Variants in AMMECR1 observed in about 807,000 individuals in gnomAD.
AMMECR1 encodes nuclear protein AMMECR1.
A neutral mutation model predicts 22.5 loss-of-function variants in AMMECR1; 3 were observed. The observed-to-expected ratio is 0.13, with a 90% CI of 0.06 to 0.35. The LOEUF (loss-of-function observed/expected upper bound fraction) is 0.35, where lower values mean the gene tolerates loss of function less well. Among genes scored for constraint, AMMECR1 ranks in the 10% least tolerant of loss-of-function variants. AMMECR1 has a pLI of 1.00. For synonymous variants in AMMECR1, 130 were observed against 116.7 expected (o/e 1.11, Z -0.74); for missense variants, 235 against 278.7 (o/e 0.84, Z 1.12).
At chrX:110,246,880 G>A (rs2067660858) in intron 2 of AMMECR1, among the ~76,000 whole-genome samples, 1 of 111,999 alleles carries the variant, frequency 8.9e-6, no homozygotes, top group Non-Finnish European at 1.9e-5. Context: ...GGTTTTCTTA[G>A]TCTTGAACTT....
chrX:110,237,151 CCTT>C (rs1490574657), intron 2 of AMMECR1, among the ~76,000 whole-genome samples: 3 of 111,416 alleles, frequency 2.7e-5, no homozygotes. Context: ...GCTTTTCTCA[CCTT>C]CTTATAAAGG....
At chrX:110,356,066 G>C in intron 2 of AMMECR1, among the ~76,000 whole-genome samples, 1 of 110,089 alleles carries the variant, frequency 9.1e-6, no homozygotes, top group East Asian at 2.8e-4. Flanking sequence ...GTGGTTACCA[G>C]AGGTTAGTGG....
chrX:110,309,221 CA>C (rs1415836165), intron 1 of AMMECR1: 2 of 111,864 alleles, frequency 1.8e-5, no homozygotes, highest in Non-Finnish European at 3.8e-5. Flanking sequence ...GCATCAAAAC[CA>C]ATTTTTCAGA....
intron 2 of AMMECR1, among the ~76,000 whole-genome samples, chrX:110,400,391 G>A (rs957744167): frequency 9.2e-6 from 1 of 108,875 alleles, no homozygotes; most frequent in African/African-American, 3.4e-5. Context: ...TTTCCGTATT[G>A]TTCTGAGTCC....
chrX:110,399,238 C>T (rs950545912), intron 2 of AMMECR1, among the ~76,000 whole-genome samples: 1 of 112,589 alleles, frequency 8.9e-6, no homozygotes, highest in African/African-American at 3.2e-5. Flanking sequence ...ATTCTCAGAA[C>T]AACCCTTCAA....
At chrX:110,374,328 A>G (rs2068360427) in intron 2 of AMMECR1, among the ~76,000 whole-genome samples, 1 of 112,184 alleles carries the variant, frequency 8.9e-6, no homozygotes, top group South Asian at 3.7e-4. Flanking sequence ...GCCAGGGTAT[A>G]TGCACATTAA....
intron 2 of AMMECR1, among the ~76,000 whole-genome samples, chrX:110,390,521 T>C (rs1372722083): frequency 1.8e-5 from 2 of 111,605 alleles, no homozygotes; most frequent in Non-Finnish European, 3.8e-5. Context: ...TCAGATCTCA[T>C]GTACCTAGGT....
chrX:110,299,109 T>G, intron 1 of AMMECR1, among the ~76,000 whole-genome samples: 1 of 112,090 alleles, frequency 8.9e-6, no homozygotes, highest in Middle Eastern at 4.6e-3. Context: ...GTAATTATCC[T>G]ATCATTTCAC....
chrX:110,265,383 T>C (rs899117302), intron 1 of AMMECR1, among the ~76,000 whole-genome samples: 5 of 111,770 alleles, frequency 4.5e-5, no homozygotes, highest in Non-Finnish European at 9.4e-5. Context: ...AGAAAATTCA[T>C]CTTAATTTTT....
intron 2 of AMMECR1, among the ~76,000 whole-genome samples, chrX:110,334,290 C>T (rs1351766235): frequency 8.9e-6 from 1 of 111,843 alleles, no homozygotes; most frequent in Non-Finnish European, 1.9e-5. Context: ...GGCTGCAATT[C>T]TAATTTGGTG....
intron 3 of AMMECR1, among the ~76,000 whole-genome samples, chrX:110,208,306 A>AT (rs1454590750): frequency 8.9e-6 from 1 of 112,706 alleles, no homozygotes; most frequent in Non-Finnish European, 1.9e-5. Context: ...GTACTCTACT[A>AT]TAAAACCTCT....
At chrX:110,412,155 A>T in intron 2 of AMMECR1, among the ~76,000 whole-genome samples, 1 of 112,517 alleles carries the variant, frequency 8.9e-6, no homozygotes, top group Non-Finnish European at 1.9e-5. Flanking sequence ...GCAAAAATTT[A>T]AAAGGTCACT....
chrX:110,283,541 C>A (rs761987211), intron 1 of AMMECR1, among the ~76,000 whole-genome samples: 4 of 111,795 alleles, frequency 3.6e-5, no homozygotes, highest in Non-Finnish European at 7.5e-5. Flanking sequence ...GTGTCTGATG[C>A]GGGCCCATTC....
At chrX:110,422,791 A>G (rs765156622) in intron 2 of AMMECR1, among the ~76,000 whole-genome samples, 1 of 111,763 alleles carries the variant, frequency 8.9e-6, no homozygotes, top group Non-Finnish European at 1.9e-5. Flanking sequence ...GGAAAAGAAA[A>G]GAGATCTTCC....
chrX:110,208,607 G>A (rs1471162926), intron 3 of AMMECR1, among the ~76,000 whole-genome samples: 3 of 111,754 alleles, frequency 2.7e-5, no homozygotes, highest in Non-Finnish European at 5.7e-5. Flanking sequence ...ACAACGATCT[G>A]GTAACATTTA....
intron 2 of AMMECR1, among the ~76,000 whole-genome samples, chrX:110,398,426 A>C (rs1344110646): frequency 8.9e-6 from 1 of 112,643 alleles, no homozygotes; most frequent in Non-Finnish European, 1.9e-5. Flanking sequence ...TTAAAAAATA[A>C]ATTTTTAAAT....
intron 1 of AMMECR1, 134 bp downstream of exon 1, chrX:110,317,465 T>G (rs1027387997): frequency 1.9e-6 from 2 of 1,032,704 alleles, no homozygotes; most frequent in African/African-American, 1.9e-5. Flanking sequence ...CTTAGTTCAG[T>G]TGAGTAGCTC....
chrX:110,217,866 G>A (rs1248547644), intron 2 of AMMECR1, among the ~76,000 whole-genome samples: 5 of 110,592 alleles, frequency 4.5e-5, no homozygotes, highest in Non-Finnish European at 9.5e-5. Flanking sequence ...CATCCACTGC[G>A]TTTTTATATT....
intron 1 of AMMECR1, among the ~76,000 whole-genome samples, chrX:110,297,718 A>AT (rs1179367721): frequency 9.0e-6 from 1 of 111,405 alleles, no homozygotes; most frequent in Admixed American, 9.5e-5. Flanking sequence ...AGGGGAGTAG[A>AT]TTTTCTGAAG....
Sources: allele counts gnomAD v4.1 joint callset (sites outside exome capture counted in the v4.1 genomes callset), GRCh38; gene constraint gnomAD v4.1.1; transcripts MANE v1.5; gene names NCBI Gene and HGNC (gene_info 2026-07-23, HGNC 2026-07-21).